The following EYA3 variants were observed in gnomAD, a reference collection of about 807,000 sequenced individuals.
EYA3 encodes the protein EYA transcriptional coactivator and phosphatase 3.
In EYA3, 39 loss-of-function variants were observed where a neutral mutation model predicts 80.0. The observed-to-expected ratio is 0.49, with a 90% CI of 0.38 to 0.64. EYA3 has a LOEUF of 0.64. Ranked by LOEUF, EYA3 falls within the 30% of genes least tolerant of loss-of-function variation. EYA3 has a pLI of 0.00. For synonymous variants in EYA3, 206 were observed against 232.8 expected (o/e 0.88, Z 1.05); for missense variants, 523 against 676.1 (o/e 0.77, Z 2.51).
At chr1:28,058,543 C>T (rs943847536) in intron 1 of EYA3, among the ~76,000 whole-genome samples, 16 of 152,196 alleles carry the variant, frequency 1.1e-4, no homozygotes, top group Non-Finnish European at 2.2e-4. Flanking sequence ...TAGGACAAAC[C>T]GGAATATCAA....
intron 17 of EYA3, among the ~76,000 whole-genome samples, 180 bp downstream of exon 17, chr1:27,978,194 A>G (rs1457791055): frequency 6.6e-6 from 1 of 152,186 alleles, no homozygotes; most frequent in Admixed American, 6.5e-5. Flanking sequence ...CTAAAAACTT[A>G]AGAGGAAAAA....
At chr1:28,062,817 A>G (rs56267703) in intron 1 of EYA3, among the ~76,000 whole-genome samples, 4 of 152,002 alleles carry the variant, frequency 2.6e-5, no homozygotes, top group Non-Finnish European at 1.5e-5. Flanking sequence ...CCTGGCCAAC[A>G]TGGTCAAACT....
intron 10 of EYA3, among the ~76,000 whole-genome samples, chr1:28,008,121 C>T (rs1641428551): frequency 6.6e-6 from 1 of 151,850 alleles, no homozygotes; most frequent in Non-Finnish European, 1.5e-5. Context: ...TAGTTTTTTA[C>T]CTTCTTTTAG....
intron 10 of EYA3, among the ~76,000 whole-genome samples, chr1:28,006,934 CTTTTT>C (rs58401673): frequency 5.4e-5 from 5 of 91,998 alleles, no homozygotes; most frequent in Admixed American, 1.3e-4. Flanking sequence ...ATGACATAAT[CTTTTT>C]TTTTTTTTTT....
At chr1:27,977,627 G>A (rs570325741) in intron 17 of EYA3, among the ~76,000 whole-genome samples, 5 of 152,170 alleles carry the variant, frequency 3.3e-5, no homozygotes, top group Non-Finnish European at 7.4e-5. Context: ...GAGGCAGGCG[G>A]ATCACAAGGT....
chr1:28,071,655 A>G, intron 1 of EYA3, among the ~76,000 whole-genome samples: 1 of 152,204 alleles, frequency 6.6e-6, no homozygotes, highest in East Asian at 1.9e-4. Context: ...ATTCTTTCTA[A>G]ACATATTCAT....
chr1:28,079,708 T>A (rs1236298544), intron 1 of EYA3, among the ~76,000 whole-genome samples: 1 of 152,120 alleles, frequency 6.6e-6, no homozygotes, highest in Admixed American at 6.6e-5. Flanking sequence ...CCTCTCTCAA[T>A]GATTGTTCTG....
intron 7 of EYA3, among the ~76,000 whole-genome samples, chr1:28,018,782 T>C (rs528173577): frequency 6.6e-6 from 1 of 152,194 alleles, no homozygotes; most frequent in Admixed American, 6.5e-5. Flanking sequence ...GCAAAAATAA[T>C]GGAAGATAAC....
chr1:28,059,780 G>A (rs967756399), intron 1 of EYA3, among the ~76,000 whole-genome samples: 1 of 149,876 alleles, frequency 6.7e-6, no homozygotes, highest in Non-Finnish European at 1.5e-5. Context: ...GAGTGCAGTG[G>A]CGCAATCTCG....
At chr1:28,074,367 T>C (rs11807799) in intron 1 of EYA3, among the ~76,000 whole-genome samples, 39,412 of 152,060 alleles carry the variant, frequency 0.26, 5,157 homozygotes, top group Non-Finnish European at 0.28. Context: ...GACTTTCAAT[T>C]TCCATAACTG....
At chr1:28,039,190 G>A (rs1643636162) in intron 4 of EYA3, among the ~76,000 whole-genome samples, 1 of 152,148 alleles carries the variant, frequency 6.6e-6, no homozygotes, top group Non-Finnish European at 1.5e-5. Context: ...AATAGATGAA[G>A]CAACCTTCTA....
chr1:28,059,366 G>A (rs939607554), intron 1 of EYA3, among the ~76,000 whole-genome samples: 6 of 152,208 alleles, frequency 3.9e-5, no homozygotes, highest in African/African-American at 1.4e-4. Flanking sequence ...AGCCTCAAAA[G>A]CTAAGTTCTC....
rs529690475 is a variant in EYA3 at position 27,974,301 on chromosome 1, G to C, written c.*165C>G. On this transcript the variant is annotated 3_prime_UTR_variant, in exon 18 of 18. Coordinates refer to ENST00000373871, the MANE Select transcript of EYA3 (RefSeq NM_001990.4). ...AGAGAGGCAGAGAGGGAGGGAGAGAGGAAGGGAGGGAGGGAGAGAGGGAGA... is the reference window on the plus strand; with the variant it reads ...AGAGAGGCAGAGAGGGAGGGAGAGACGAAGGGAGGGAGGGAGAGAGGGAGA... 1 of 474,602 alleles carries C rather than the reference G, an allele frequency of 2.1e-6. No individual in the cohort carries two copies. Among genetic ancestry groups the C allele is most frequent in the East Asian group, 3.3e-5 (1 of 30,246 alleles). The allele number at this position is 474,602 out of a possible 1,614,324, so 29.4% of individuals were successfully genotyped here. A position where few individuals can be genotyped will look rare whatever the true frequency, so the allele number is the denominator to read the frequency against.
At chr1:28,064,393 T>TAA (rs1258123873) in intron 1 of EYA3, among the ~76,000 whole-genome samples, 2 of 129,200 alleles carry the variant, frequency 1.5e-5, no homozygotes, top group Admixed American at 7.9e-5. Flanking sequence ...TATATATATA[T>TAA]AAATATATAG....
Position 27,989,824 on chromosome 1 carries a change from A to G in EYA3, c.1304-13T>C, listed in dbSNP as rs773735986. The stretch of plus-strand genomic sequence containing the variant: ...GGACTGAGGAGACCTTTAGGAATAA[A>G]AGCAGACACATTTATCATTTGACAA... On this transcript the variant is annotated splice_polypyrimidine_tract_variant and intron_variant, in intron 14 of 17. Transcript: ENST00000373871. 6 of 1,511,908 alleles carry G rather than the reference A, an allele frequency of 4.0e-6. No homozygotes were observed. In the East Asian group the frequency reaches 1.4e-4, roughly 35 times the overall value. The allele number at this position is 1,511,908 out of a possible 1,614,324, so 93.7% of individuals were successfully genotyped here. A position where few individuals can be genotyped will look rare whatever the true frequency, so the allele number is the denominator to read the frequency against.
At chr1:27,979,989 T>A (rs574171487) in intron 16 of EYA3, among the ~76,000 whole-genome samples, 44 of 152,300 alleles carry the variant, frequency 2.9e-4, no homozygotes, top group African/African-American at 1.0e-3. Context: ...GACGGACTAG[T>A]CAACTGGACC....
At chr1:28,012,548 G>GTA (rs1021609246) in intron 9 of EYA3, among the ~76,000 whole-genome samples, 1 of 152,114 alleles carries the variant, frequency 6.6e-6, no homozygotes, top group Non-Finnish European at 1.5e-5. Flanking sequence ...AAAAGTGTGT[G>GTA]TATATATATG....
rs770573643 is a variant in EYA3, at chr1:28,017,460, ATTC to A, written c.500-224_500-222del. Among the ~76,000 whole-genome samples the A allele has an allele frequency of 2.9e-4, 44 of 152,312 alleles. No individual in the cohort carries two copies. The East Asian group carries it at 7.3e-3, about 25-fold the overall frequency. ...CTTTCTGTTTCAACTTGAGTCTTCA[ATTC>A]TTCTTATTAAAGGCCTAAAAGGATA... is the stretch of plus-strand genomic sequence containing the variant. On this transcript the variant is annotated intron_variant, in intron 7 of 17. Transcript: ENST00000373871.
At chr1:28,053,957 TA>T (rs1443902676) in intron 2 of EYA3, among the ~76,000 whole-genome samples, 1 of 152,208 alleles carries the variant, frequency 6.6e-6, no homozygotes, top group Non-Finnish European at 1.5e-5. Flanking sequence ...TAGTGCTAGG[TA>T]AATTGTAATC....
Sources: gnomAD v4.1 joint callset for allele counts (sites outside exome capture counted in the v4.1 genomes callset) on GRCh38, gnomAD v4.1.1 for gene constraint, MANE v1.5 for transcripts, NCBI Gene and HGNC (gene_info 2026-07-23, HGNC 2026-07-21) for gene names.